Variants in AGBL4 observed in about 807,000 individuals in gnomAD.
The protein encoded by AGBL4 is cytosolic carboxypeptidase 6.
In AGBL4, 58 loss-of-function variants were observed where a neutral mutation model predicts 66.4. The ratio of observed to expected loss-of-function variants is 0.87; its 90% confidence interval spans 0.71 to 1.09. The LOEUF is 1.09. Among genes scored for constraint, AGBL4 ranks in the 50% least tolerant of loss-of-function variants. AGBL4 has a pLI of 0.00. For synonymous variants in AGBL4, 234 were observed against 222.9 expected, an observed-to-expected ratio of 1.05 and a Z score of -0.44; for missense variants, 579 against 631.0, an observed-to-expected ratio of 0.92 and a Z score of 0.88.
intron 3 of AGBL4, among the ~76,000 whole-genome samples, chr1:49,372,485 A>C (rs1216606635): frequency 1.3e-5 from 2 of 152,084 alleles, no homozygotes; most frequent in African/African-American, 4.8e-5. Flanking sequence ...AACTTTGTTC[A>C]TGCTGCTCTA....
chr1:48,577,157 G>A (rs1255626080), intron 11 of AGBL4, among the ~76,000 whole-genome samples: 1 of 152,186 alleles, frequency 6.6e-6, no homozygotes, highest in South Asian at 2.1e-4. Flanking sequence ...ACCTGAAACT[G>A]GTTGGAGCTA....
At chr1:49,402,396 G>T (rs1472110859) in intron 3 of AGBL4, among the ~76,000 whole-genome samples, 1 of 152,104 alleles carries the variant, frequency 6.6e-6, no homozygotes, top group Non-Finnish European at 1.5e-5. Context: ...ATTCTTGAAA[G>T]AAATTTTTCT....
intron 3 of AGBL4, among the ~76,000 whole-genome samples, chr1:49,467,163 G>C (rs1452285407): frequency 6.6e-6 from 1 of 151,814 alleles, no homozygotes; most frequent in Non-Finnish European, 1.5e-5. Context: ...CCATGAAGGT[G>C]AGTCAAGGTT....
intron 7 of AGBL4, among the ~76,000 whole-genome samples, chr1:48,657,584 G>T (rs925461298): frequency 6.6e-6 from 1 of 152,186 alleles, no homozygotes; most frequent in Non-Finnish European, 1.5e-5. Context: ...AGGAACCAGG[G>T]TGGAACATGA....
chr1:48,854,914 G>A (rs144605573), intron 6 of AGBL4, among the ~76,000 whole-genome samples: 5 of 152,244 alleles, frequency 3.3e-5, no homozygotes, highest in African/African-American at 1.2e-4. Context: ...TTAAGAGAAG[G>A]AGAAAAACAG....
At chr1:49,032,693 T>G (rs187569520) in intron 5 of AGBL4, among the ~76,000 whole-genome samples, 2 of 152,290 alleles carry the variant, frequency 1.3e-5, no homozygotes, top group African/African-American at 4.8e-5. Flanking sequence ...TTGTAACCCT[T>G]GGCTAAAGAA....
intron 5 of AGBL4, among the ~76,000 whole-genome samples, chr1:48,984,392 C>G (rs571085857): frequency 7.5e-4 from 113 of 151,326 alleles, no homozygotes; most frequent in African/African-American, 2.5e-3. Flanking sequence ...CAGGGAAGCT[C>G]TCAGGTACCT....
chr1:48,673,980 C>G (rs541948990), intron 6 of AGBL4, among the ~76,000 whole-genome samples: 1 of 152,202 alleles, frequency 6.6e-6, no homozygotes. Flanking sequence ...GGATCTCACT[C>G]CCGTACTCCC....
rs533594295 is a variant in AGBL4, at chr1:49,490,168, C to T, written c.282+207145G>A. 1.1e-4 allele frequency among the ~76,000 whole-genome samples: 16 copies of T among 151,770 alleles called. No individual in the cohort carries two copies. The East Asian group carries it at 3.1e-3, about 29-fold the overall frequency. The stretch of plus-strand genomic sequence containing the variant: ...GACAACAATTTGTGGTTTTAATAGG[C>T]AATCATTATCTAGTTTAGATTAATT... On this transcript the variant is annotated intron_variant, in intron 3 of 13. Coordinates refer to ENST00000371839, the MANE Select transcript of AGBL4 (RefSeq NM_032785.4).
At chr1:49,735,007 T>A (rs940179404) in intron 2 of AGBL4, among the ~76,000 whole-genome samples, 3 of 151,950 alleles carry the variant, frequency 2.0e-5, no homozygotes, top group African/African-American at 7.2e-5. Flanking sequence ...TGAAATCAGT[T>A]AAAAGAGGAA....
At chr1:49,920,095 G>A (rs540400865) in intron 1 of AGBL4, among the ~76,000 whole-genome samples, 1 of 152,164 alleles carries the variant, frequency 6.6e-6, no homozygotes, top group African/African-American at 2.4e-5. Context: ...AATTCAAGAT[G>A]GATTAAAGAC....
chr1:49,330,975 C>G (rs1373880639), intron 3 of AGBL4, among the ~76,000 whole-genome samples: 2 of 152,148 alleles, frequency 1.3e-5, no homozygotes, highest in African/African-American at 4.8e-5. Flanking sequence ...GACAAGGGAA[C>G]CCCCACTCCC....
intron 6 of AGBL4, among the ~76,000 whole-genome samples, chr1:48,782,539 T>C (rs370111192): frequency 3.3e-5 from 5 of 152,364 alleles, no homozygotes; most frequent in Admixed American, 1.3e-4. Context: ...CATTTTTTCA[T>C]GATTTTGCCT....
At chr1:48,680,088 C>G (rs921980987) in intron 6 of AGBL4, among the ~76,000 whole-genome samples, 1 of 152,228 alleles carries the variant, frequency 6.6e-6, no homozygotes, top group Non-Finnish European at 1.5e-5. Flanking sequence ...TCAGCCAGAT[C>G]AATTCCCAGA....
intron 2 of AGBL4, among the ~76,000 whole-genome samples, chr1:49,781,948 A>G (rs908678321): frequency 4.6e-5 from 7 of 152,128 alleles, no homozygotes; most frequent in Admixed American, 1.3e-4. Flanking sequence ...TTCAACGAAC[A>G]TGTAGGGTAC....
chr1:48,946,525 C>G (rs192036924), intron 5 of AGBL4, among the ~76,000 whole-genome samples: 2 of 151,886 alleles, frequency 1.3e-5, no homozygotes, highest in Admixed American at 1.3e-4. Flanking sequence ...CTCTGTGCCT[C>G]AGTTTCTGCA....
At chr1:49,291,389 A>G (rs1178252360) in intron 3 of AGBL4, among the ~76,000 whole-genome samples, 1 of 152,230 alleles carries the variant, frequency 6.6e-6, no homozygotes, top group Non-Finnish European at 1.5e-5. Flanking sequence ...ATAATAGTCC[A>G]ATGTTTTTCA....
chr1:48,712,028 C>T (rs1485659013), intron 6 of AGBL4, among the ~76,000 whole-genome samples: 1 of 152,154 alleles, frequency 6.6e-6, no homozygotes, highest in Non-Finnish European at 1.5e-5. Context: ...GTCATACTCG[C>T]TCTGGCCCCA....
intron 6 of AGBL4, among the ~76,000 whole-genome samples, chr1:48,776,048 A>T (rs147804744): frequency 3.2e-4 from 48 of 152,268 alleles, no homozygotes; most frequent in South Asian, 1.5e-3. Context: ...ATCCTGTCCA[A>T]TGTTGGCCCG....
Sources: allele counts gnomAD v4.1 joint callset (sites outside exome capture counted in the v4.1 genomes callset), GRCh38; gene constraint gnomAD v4.1.1; transcripts MANE v1.5; gene names NCBI Gene and HGNC (gene_info 2026-07-23, HGNC 2026-07-21).